Variants in PTPRA observed in about 807,000 individuals in gnomAD.
The protein encoded by PTPRA is protein tyrosine phosphatase receptor type A.
PTPRA carries 25 observed loss-of-function variants against 104.8 expected under a neutral mutation model. That is an observed-to-expected ratio of 0.24 (90% confidence interval 0.17 to 0.33). The LOEUF (loss-of-function observed/expected upper bound fraction) is 0.33, where lower values mean the gene tolerates loss of function less well. Ranked by LOEUF, PTPRA falls within the 10% of genes least tolerant of loss-of-function variation. The pLI is 1.00. For synonymous variants in PTPRA, 323 were observed against 368.9 expected, an observed-to-expected ratio of 0.88 and a Z score of 1.43; for missense variants, 765 against 1,015.3, an observed-to-expected ratio of 0.75 and a Z score of 3.35.
chr20:2,885,437 G>A lies in PTPRA; in HGVS notation c.-129+11677G>A, dbSNP rs889681599. Among the ~76,000 whole-genome samples the A allele has an allele frequency of 1.6e-4, 24 of 152,232 alleles. No homozygotes were observed. In the East Asian group the frequency reaches 3.9e-3, roughly 24 times the overall value. On this transcript the variant is annotated intron_variant, in intron 1 of 23. Coordinates refer to ENST00000399903, the MANE Select transcript of PTPRA (RefSeq NM_001385305.1). ...TGATCTAATGAAGTAAAGAATCTAG[G>A]CATTGGTCACCAGTGGCTGTTAAAA...
chr20:2,983,166 AC>A (rs1391126347), intron 6 of PTPRA, among the ~76,000 whole-genome samples: 1 of 152,182 alleles, frequency 6.6e-6, no homozygotes, highest in Non-Finnish European at 1.5e-5. Context: ...GGGAAAAGTG[AC>A]ACACAGAGAA....
intron 3 of PTPRA, among the ~76,000 whole-genome samples, chr20:2,958,195 T>A (rs911477432): frequency 2.0e-5 from 3 of 152,052 alleles, no homozygotes; most frequent in African/African-American, 7.2e-5. Flanking sequence ...AGAGCAGGTG[T>A]GGTAGACATA....
intron 1 of PTPRA, among the ~76,000 whole-genome samples, chr20:2,882,975 CTTTT>C (rs752857166): frequency 8.8e-6 from 1 of 113,686 alleles, no homozygotes; most frequent in African/African-American, 3.5e-5. Context: ...AAATCCAACA[CTTTT>C]TTTTTTTTTT....
At chr20:2,906,342 C>T (rs1365331520) in intron 1 of PTPRA, among the ~76,000 whole-genome samples, 1 of 152,074 alleles carries the variant, frequency 6.6e-6, no homozygotes. Context: ...TTACCAATCC[C>T]AGAAGGAGAT....
chr20:2,969,180 T>C (rs903045913), intron 5 of PTPRA, among the ~76,000 whole-genome samples: 1 of 150,590 alleles, frequency 6.6e-6, no homozygotes, highest in Non-Finnish European at 1.5e-5. Context: ...CACTATAGCC[T>C]GGGGAACAGA....
At chr20:2,921,026 C>A (rs2060077737) in intron 1 of PTPRA, among the ~76,000 whole-genome samples, 1 of 152,028 alleles carries the variant, frequency 6.6e-6, no homozygotes, top group African/African-American at 2.4e-5. Flanking sequence ...GCTTAATGTG[C>A]TTTCTTCATT....
At position 2,892,038 on chromosome 20, in the gene PTPRA, C is replaced by G. The variant is rs2058814856; in HGVS notation, c.-129+18278C>G. The stretch of plus-strand genomic sequence containing the variant: ...GGCGCGGTGGCTCACACCCGTAATC[C>G]CAGCACTTTGGGAGGCTGGGGTGGG... On this transcript the variant is annotated intron_variant, in intron 1 of 23. Transcript: ENST00000399903. Among the ~76,000 whole-genome samples the G allele has an allele frequency of 2.6e-5, 4 of 151,922 alleles. No individual in the cohort carries two copies. In the South Asian group the frequency reaches 8.3e-4, roughly 32 times the overall value.
chr20:3,035,460 C>T lies in PTPRA; in HGVS notation c.1921-125C>T. On this transcript the variant is annotated intron_variant, in intron 20 of 23. Transcript: ENST00000399903. This position sits in a 1 kb window ranked among gnomAD's most constrained non-coding sequence, Gnocchi z 5.8. ...TAATGATCCTGCAAGTTTTCAATAC[C>T]TTGGGGACGAAGCGTATCAGCGTAA... The T allele has an allele frequency of 1.7e-6, 2 of 1,145,090 alleles. No homozygotes were observed. The highest frequency in any genetic ancestry group is 1.5e-5 in the South Asian group (1 of 65,422). 70.9% of individuals were successfully genotyped at this position (1,145,090 alleles called of 1,614,324 possible).
chr20:2,939,408 C>G (rs1307728698), intron 2 of PTPRA, among the ~76,000 whole-genome samples: 1 of 152,142 alleles, frequency 6.6e-6, no homozygotes, highest in Non-Finnish European at 1.5e-5. Flanking sequence ...GAAAGGCGTG[C>G]CACCTCATTA....
intron 1 of PTPRA, among the ~76,000 whole-genome samples, chr20:2,909,591 A>G (rs1464148974): frequency 6.6e-6 from 1 of 151,738 alleles, no homozygotes; most frequent in African/African-American, 2.4e-5. Context: ...AAAAAAAACC[A>G]AAACAAAACA....
chr20:2,940,723 A>G (rs1234264358), intron 2 of PTPRA, among the ~76,000 whole-genome samples: 1 of 152,200 alleles, frequency 6.6e-6, no homozygotes, highest in Non-Finnish European at 1.5e-5. Flanking sequence ...ATGAAATTCA[A>G]ATTTCAGCGT....
chr20:2,880,601 A>C (rs550483676), intron 1 of PTPRA, among the ~76,000 whole-genome samples: 1 of 152,342 alleles, frequency 6.6e-6, no homozygotes, highest in Non-Finnish European at 1.5e-5. Flanking sequence ...TCCTGTGATG[A>C]ATTCTTGGTG....
chr20:2,892,312 A>G (rs1244521929), intron 1 of PTPRA, among the ~76,000 whole-genome samples: 2 of 149,708 alleles, frequency 1.3e-5, no homozygotes, highest in African/African-American at 2.5e-5. Context: ...AAAAAAAAAG[A>G]AGAGAGGGCC....
chr20:2,935,552 T>C (rs769433562), intron 2 of PTPRA, among the ~76,000 whole-genome samples: 7 of 152,250 alleles, frequency 4.6e-5, no homozygotes, highest in Non-Finnish European at 1.0e-4. Flanking sequence ...ATAGTAGTTC[T>C]ATTTAAATTT....
At chr20:2,962,584 A>G (rs1483922366) in intron 3 of PTPRA, among the ~76,000 whole-genome samples, 3 of 152,220 alleles carry the variant, frequency 2.0e-5, no homozygotes, top group African/African-American at 7.2e-5. Flanking sequence ...AGGAAATTGT[A>G]TGAGTTTCCA....
At chr20:2,971,117 T>TTTAATATC (rs2062168832) in intron 5 of PTPRA, among the ~76,000 whole-genome samples, 2 of 152,226 alleles carry the variant, frequency 1.3e-5, no homozygotes, top group African/African-American at 4.8e-5. Context: ...TCCAGTAAAA[T>TTTAATATC]GAGTCATTCC....
At chr20:2,885,956 C>T (rs1394593699) in intron 1 of PTPRA, among the ~76,000 whole-genome samples, 2 of 152,064 alleles carry the variant, frequency 1.3e-5, no homozygotes, top group Non-Finnish European at 1.5e-5. Flanking sequence ...CCCAGCTACT[C>T]GGGAGGCTGA....
chr20:3,013,279 C>T (rs2064268622), intron 11 of PTPRA, among the ~76,000 whole-genome samples: 1 of 152,190 alleles, frequency 6.6e-6, no homozygotes, highest in Non-Finnish European at 1.5e-5. Flanking sequence ...TTGGGAAACA[C>T]ATAGGTCAGC....
intron 3 of PTPRA, among the ~76,000 whole-genome samples, chr20:2,960,622 G>A (rs957175613): frequency 2.6e-5 from 4 of 151,272 alleles, no homozygotes; most frequent in African/African-American, 7.3e-5. Context: ...CTGAAGCGTC[G>A]ACCTCCCAGG....
Sources: gnomAD v4.1 joint callset for allele counts (sites outside exome capture counted in the v4.1 genomes callset) on GRCh38, gnomAD v4.1.1 for gene constraint, Gnocchi (gnomAD v3.1) non-coding constraint, MANE v1.5 for transcripts, NCBI Gene and HGNC (gene_info 2026-07-23, HGNC 2026-07-21) for gene names.